Variants in CD48 observed in about 807,000 individuals in gnomAD.
The protein encoded by CD48 is CD48 molecule, also known as CD48 antigen.
CD48 carries 20 observed loss-of-function variants against 22.0 expected under a neutral mutation model. That is an observed-to-expected ratio of 0.91 (90% confidence interval 0.64 to 1.32). The LOEUF is 1.32. Among genes scored for constraint, CD48 ranks in the 40% most tolerant of loss-of-function variants. CD48 has a pLI of 0.00. For missense variants in CD48, 307 were observed against 286.5 expected, an observed-to-expected ratio of 1.07 and a Z score of -0.52; for synonymous variants, 110 against 110.1, an observed-to-expected ratio of 1.00 and a Z score of 0.01.
chr1:160,688,923 C>A (rs953084976), intron 1 of CD48, among the ~76,000 whole-genome samples: 2 of 152,100 alleles, frequency 1.3e-5, no homozygotes, highest in East Asian at 3.8e-4. Context: ...ATTACTAAAC[C>A]ATATGAGTCA....
At chr1:160,700,581 T>C (rs1279293181) in intron 1 of CD48, among the ~76,000 whole-genome samples, 1 of 152,180 alleles carries the variant, frequency 6.6e-6, no homozygotes, top group Non-Finnish European at 1.5e-5. Flanking sequence ...GTACTCTAGA[T>C]AACTGGGCAG....
chr1:160,686,297 C>A (rs1039751174), intron 1 of CD48, among the ~76,000 whole-genome samples: 7 of 152,100 alleles, frequency 4.6e-5, no homozygotes, highest in African/African-American at 1.7e-4. Flanking sequence ...CAGAGAAAAA[C>A]TTTCACTTCT....
intron 1 of CD48, 84 bp from the exon 2 acceptor site, chr1:160,685,273 C>G: frequency 9.8e-7 from 1 of 1,019,820 alleles, no homozygotes; most frequent in Non-Finnish European, 1.4e-6. Flanking sequence ...GCTGGTGGAA[C>G]AGGTGAGAAG....
intron 1 of CD48, chr1:160,691,640 G>A (rs1038094834): frequency 7.4e-5 from 15 of 202,892 alleles, no homozygotes; most frequent in Non-Finnish European, 1.3e-4. Context: ...TTGGTTCCCC[G>A]GGCCCCCTTA....
intron 1 of CD48, among the ~76,000 whole-genome samples, chr1:160,689,209 G>T (rs867396079): frequency 2.0e-5 from 3 of 152,084 alleles, no homozygotes; most frequent in African/African-American, 7.2e-5. Context: ...GGCACAGAGG[G>T]GGGTATTTAT....
chr1:160,705,325 A>G (rs1024519886), intron 1 of CD48, among the ~76,000 whole-genome samples: 1 of 152,162 alleles, frequency 6.6e-6, no homozygotes, highest in Admixed American at 6.5e-5. Context: ...CTCTGACAGA[A>G]TAAGTTCAAC....
In CD48 at chr1:160,698,697, CTG is replaced by C. The variant is rs1035633330; in HGVS notation, c.82+12983_82+12984del. Among the ~76,000 whole-genome samples, 31 of 152,122 alleles carry C rather than the reference CTG, an allele frequency of 2.0e-4. 1 individual carries two copies. Among genetic ancestry groups the C allele is most frequent in the African/African-American group, 7.5e-4 (31 of 41,490 alleles). Reference sequence around the variant, plus strand: ...ATTACACCCCAAATTTATAATGAGTCTGAGCATCACTGGGACATGGTTAGACG... The same window carrying C: ...ATTACACCCCAAATTTATAATGAGTCAGCATCACTGGGACATGGTTAGACG... On this transcript the variant is annotated intron_variant, in intron 1 of 3. Transcript: ENST00000368046.
chr1:160,697,966 A>G (rs1339141553), intron 1 of CD48, among the ~76,000 whole-genome samples: 1 of 152,208 alleles, frequency 6.6e-6, no homozygotes, highest in Non-Finnish European at 1.5e-5. Flanking sequence ...CTACCCCAAG[A>G]CCAAAAATAA....
intron 1 of CD48, among the ~76,000 whole-genome samples, chr1:160,697,589 G>A (rs1356941224): frequency 3.3e-5 from 5 of 152,388 alleles, no homozygotes; most frequent in African/African-American, 9.6e-5. Flanking sequence ...CATGGTAAGC[G>A]GGATGTCACT....
rs774984525 is a variant in CD48, at chr1:160,684,897, C to T, written c.375G>A (p.Leu125=). 6.2e-7 allele frequency: 1 copy of T among 1,614,136 alleles called. No individual in the cohort carries two copies. The highest frequency in any genetic ancestry group is 1.3e-5 in the African/African-American group (1 of 75,022). The change falls in exon 2 of 4, where the codon CTG becomes CTA. Residue 125 remains leucine (L), a synonymous_variant. Coordinates refer to ENST00000368046, the MANE Select transcript of CD48 (RefSeq NM_001778.4). ...TGNEQEWKIK[L]QVLDPVPKPV... is the part of the protein sequence containing the mutation. ...GCTCCCCTGACTCACCAAGCACTTG[C>T]AGCTTGATCTTCCATTCTTGCTCAT...
chr1:160,694,593 C>T (rs1159730394), intron 1 of CD48, among the ~76,000 whole-genome samples: 5 of 151,994 alleles, frequency 3.3e-5, no homozygotes, highest in East Asian at 3.9e-4. Flanking sequence ...CAATGGGGTG[C>T]GGAAATCACC....
At chr1:160,683,160 T>C (rs1661868152) in intron 2 of CD48, among the ~76,000 whole-genome samples, 1 of 152,214 alleles carries the variant, frequency 6.6e-6, no homozygotes, top group Non-Finnish European at 1.5e-5. Context: ...TTTCACCATT[T>C]CCTGTGTTCT....
intron 1 of CD48, chr1:160,699,683 T>A (rs899924894): frequency 1.3e-5 from 2 of 152,124 alleles, no homozygotes; most frequent in Non-Finnish European, 2.9e-5. Flanking sequence ...AGCATTGAGA[T>A]GTTTATGTGT....
chr1:160,701,229 A>AGCAGGGGCAGGCAT (rs71090320), intron 1 of CD48, among the ~76,000 whole-genome samples: 94,453 of 94,572 alleles, frequency 1, 47,176 homozygotes, highest in Middle Eastern at 1. Context: ...TAGGTATTAA[A>AGCAGGGGCAGGCAT]GCCAGGTTGG....
At chr1:160,695,874 G>A (rs896917224) in intron 1 of CD48, among the ~76,000 whole-genome samples, 37 of 152,114 alleles carry the variant, frequency 2.4e-4, no homozygotes, top group Admixed American at 8.5e-4. Context: ...TAATTGGTCC[G>A]ACAAGATTAC....
At chr1:160,704,422 A>G (rs992921728) in intron 1 of CD48, among the ~76,000 whole-genome samples, 1 of 148,514 alleles carries the variant, frequency 6.7e-6, no homozygotes, top group African/African-American at 2.5e-5. Context: ...GAGGGTTGCA[A>G]ACTCTTGTGT....
In CD48 at chr1:160,678,962, C is replaced by CT; in HGVS notation, c.*89dup. 1.1e-6 allele frequency: 1 copy of CT among 919,914 alleles called. No homozygotes were observed. Among genetic ancestry groups the CT allele is most frequent in the Non-Finnish European group, 1.8e-6 (1 of 550,904 alleles). The allele number at this position is 919,914 out of a possible 1,614,324, so 57.0% of individuals were successfully genotyped here. Reference sequence around the variant, plus strand: ...ATTCAGCAGCATGCTTCTGGTCAGCCTATACAGTCTCTGTCCTGGTGAGGA... The same window carrying CT: ...ATTCAGCAGCATGCTTCTGGTCAGCCTTATACAGTCTCTGTCCTGGTGAGGA... On this transcript the variant is annotated 3_prime_UTR_variant, in exon 4 of 4. Coordinates refer to ENST00000368046, the MANE Select transcript of CD48 (RefSeq NM_001778.4).
At chr1:160,708,847 G>A (rs930968752) in intron 1 of CD48, among the ~76,000 whole-genome samples, 3 of 152,106 alleles carry the variant, frequency 2.0e-5, no homozygotes, top group Admixed American at 6.5e-5. Context: ...GGAATACACC[G>A]GAAGTGTGAC....
Position 160,684,604 on chromosome 1 carries a change from A to G in CD48, c.385+283T>C, listed in dbSNP as rs879901040. ...TGAGCTGATTTAGGTTGATCACAGG[A>G]CAAAATGAAGGAAATAGGAAAAATC... On this transcript the variant is annotated intron_variant, in intron 2 of 3. Coordinates refer to ENST00000368046, the MANE Select transcript of CD48 (RefSeq NM_001778.4). 2.0e-5 allele frequency: 19 copies of G among 949,584 alleles called. No homozygotes were observed. The Admixed American group carries it at 4.7e-4, about 23-fold the overall frequency. 58.8% of individuals were successfully genotyped at this position (949,584 alleles called of 1,614,324 possible).
Sources: allele counts gnomAD v4.1 joint callset (sites outside exome capture counted in the v4.1 genomes callset), GRCh38; gene constraint gnomAD v4.1.1; transcripts MANE v1.5; gene names NCBI Gene and HGNC (gene_info 2026-07-23, HGNC 2026-07-21).